Variants in FAT3 observed in about 807,000 individuals in gnomAD.
FAT3 encodes protocadherin Fat 3.
Under a neutral mutation model 310.2 loss-of-function variants are expected in FAT3, and 95 were observed. The ratio of observed to expected loss-of-function variants is 0.31; its 90% CI spans 0.26 to 0.36. The LOEUF (loss-of-function observed/expected upper bound fraction) is 0.36, where lower values mean the gene tolerates loss of function less well. Among genes scored for constraint, FAT3 ranks in the 10% least tolerant of loss-of-function variants. The pLI is 1.00. For synonymous variants in FAT3, 2,314 were observed against 2,192.9 expected (o/e 1.06, Z -1.54); for missense variants, 5,408 against 5,715.6 (o/e 0.95, Z 1.74).
chr11:92,800,184 C>T lies in FAT3; in HGVS notation c.7171C>T (p.Pro2391Ser). 1 of 1,613,948 alleles carries T rather than the reference C, an allele frequency of 6.2e-7. No individual in the cohort carries two copies. Among genetic ancestry groups the T allele is most frequent in the Non-Finnish European group, 8.5e-7 (1 of 1,179,872 alleles). ...CTACATCTCTGATGTAAATGACAAC[C>T]CTCCAGTTTTTAATCAGCTCATTTA... is the stretch of plus-strand genomic sequence containing the variant. ...HIYISDVNDNPPVFNQLIYES... is the reference protein window; with the variant it reads ...HIYISDVNDNSPVFNQLIYES... The change falls in exon 10 of 28, where the codon CCT becomes TCT. Residue 2391 changes from proline to serine, a missense_variant. Coordinates refer to ENST00000525166, the MANE Select transcript of FAT3 (RefSeq NM_001367949.2).
intron 1 of FAT3, among the ~76,000 whole-genome samples, chr11:92,260,073 T>C (rs924435436): frequency 6.6e-6 from 1 of 152,274 alleles, no homozygotes; most frequent in Admixed American, 6.5e-5. Context: ...AGCTGTCATG[T>C]AGAATTCTAA....
chr11:92,778,755 C>T (rs554801441), intron 7 of FAT3, among the ~76,000 whole-genome samples: 1 of 152,222 alleles, frequency 6.6e-6, no homozygotes, highest in East Asian at 1.9e-4. Context: ...GCCCCCGACA[C>T]TCCCTGGGAA....
At chr11:92,750,121 C>G (rs1308466824) in intron 4 of FAT3, among the ~76,000 whole-genome samples, 2 of 152,172 alleles carry the variant, frequency 1.3e-5, no homozygotes, top group African/African-American at 4.8e-5. Context: ...GTTGGATATT[C>G]TGCCTTAGTT....
chr11:92,453,960 C>T (rs1315515905), intron 2 of FAT3, among the ~76,000 whole-genome samples: 3 of 152,008 alleles, frequency 2.0e-5, no homozygotes, highest in Non-Finnish European at 4.4e-5. Flanking sequence ...TTTAGATATA[C>T]ATATTTTCAG....
chr11:92,473,189 T>C (rs1032022748), intron 2 of FAT3, among the ~76,000 whole-genome samples: 1 of 152,158 alleles, frequency 6.6e-6, no homozygotes, highest in African/African-American at 2.4e-5. Context: ...CTTATAAGTT[T>C]CTTAGAGTCA....
intron 19 of FAT3, among the ~76,000 whole-genome samples, chr11:92,850,700 C>T (rs541005643): frequency 3.5e-4 from 54 of 152,144 alleles, no homozygotes; most frequent in African/African-American, 1.2e-3. Context: ...CAACATAAAT[C>T]AAGAGGTTGA....
Position 92,352,665 on chromosome 11 carries a change from G to A in FAT3, c.553G>A (p.Ala185Thr), listed in dbSNP as rs1363753482. ...TSVAQVTATDADIGSNGEFYY... is the reference protein window; with the variant it reads ...TSVAQVTATDTDIGSNGEFYY... ...TGTTGCCCAGGTGACTGCAACAGAC[G>A]CAGATATTGGTTCCAATGGAGAATT... Residue 185 changes from alanine (A) to threonine (T), a missense_variant, in exon 2 of 28, where the codon GCA (alanine) becomes ACA (threonine). Transcript: ENST00000525166. The A allele has an allele frequency of 2.5e-6, 4 of 1,613,824 alleles. No individual in the cohort carries two copies. Among genetic ancestry groups the A allele is most frequent in the Non-Finnish European group, 3.4e-6 (4 of 1,179,852 alleles).
chr11:92,440,987 A>G (rs537090653), intron 2 of FAT3, among the ~76,000 whole-genome samples: 3 of 152,296 alleles, frequency 2.0e-5, no homozygotes, highest in African/African-American at 7.2e-5. Flanking sequence ...CTAAGATGCA[A>G]TTCCTGTGAG....
chr11:92,255,241 C>T (rs1365776285), intron 1 of FAT3, among the ~76,000 whole-genome samples: 2 of 151,660 alleles, frequency 1.3e-5, no homozygotes, highest in East Asian at 3.9e-4. Flanking sequence ...GGGTTTGTAG[C>T]AGTGATCCTA....
intron 2 of FAT3, among the ~76,000 whole-genome samples, chr11:92,431,432 T>C (rs1228028429): frequency 2.0e-5 from 3 of 152,220 alleles, no homozygotes; most frequent in Admixed American, 6.5e-5. Flanking sequence ...GATCAGTAGA[T>C]TGCAAAAATT....
chr11:92,353,049 T>G lies in FAT3; in HGVS notation c.937T>G (p.Phe313Val). The change falls in exon 2 of 28, where the codon TTC becomes GTC. Residue 313 changes from phenylalanine to valine, a missense_variant. Coordinates refer to ENST00000525166, the MANE Select transcript of FAT3 (RefSeq NM_001367949.2). ...IVAGDPLDQF[F>V]LAKEGKWLNE... ...GGCTGGGGATCCTTTAGATCAGTTC[T>G]TCCTGGCTAAGGAAGGAAAGTGGTT... is the stretch of plus-strand genomic sequence containing the variant. 1 of 1,613,742 alleles carries G rather than the reference T, an allele frequency of 6.2e-7. No individual in the cohort carries two copies. The highest frequency in any genetic ancestry group is 1.1e-5 in the South Asian group (1 of 91,074).
At chr11:92,337,283 A>G (rs573403454) in intron 1 of FAT3, among the ~76,000 whole-genome samples, 20 of 152,308 alleles carry the variant, frequency 1.3e-4, no homozygotes, top group African/African-American at 4.3e-4. Flanking sequence ...TTTCTGGTTC[A>G]GGACATTTAG....
At chr11:92,306,315 G>A (rs1947113185) in intron 1 of FAT3, among the ~76,000 whole-genome samples, 1 of 150,608 alleles carries the variant, frequency 6.6e-6, no homozygotes, top group Non-Finnish European at 1.5e-5. Context: ...CAAATCTACT[G>A]TGGAATACTG....
intron 3 of FAT3, among the ~76,000 whole-genome samples, chr11:92,546,255 G>T (rs1234191352): frequency 6.6e-6 from 1 of 152,162 alleles, no homozygotes; most frequent in Non-Finnish European, 1.5e-5. Context: ...CTGTCAGTGT[G>T]TTTAAGGGAA....
chr11:92,478,309 A>AT (rs1952101916), intron 2 of FAT3, among the ~76,000 whole-genome samples: 1 of 152,152 alleles, frequency 6.6e-6, no homozygotes, highest in African/African-American at 2.4e-5. Context: ...CAGACTTAAC[A>AT]TATTAGAGTC....
chr11:92,407,808 C>T (rs1384747211), intron 2 of FAT3, among the ~76,000 whole-genome samples: 1 of 152,044 alleles, frequency 6.6e-6, no homozygotes, highest in Non-Finnish European at 1.5e-5. Flanking sequence ...ACATTAATTC[C>T]TGTTAAATTA....
chr11:92,239,597 T>C (rs963591624), intron 1 of FAT3, among the ~76,000 whole-genome samples: 5 of 152,118 alleles, frequency 3.3e-5, no homozygotes, highest in African/African-American at 4.8e-5. Flanking sequence ...CAGAATTGCT[T>C]TGAGTCCATG....
chr11:92,494,128 CA>C (rs1451270096), intron 2 of FAT3, among the ~76,000 whole-genome samples: 2 of 150,804 alleles, frequency 1.3e-5, no homozygotes, highest in African/African-American at 4.9e-5. Flanking sequence ...AGAGTGAGTG[CA>C]GGGGAAAACT....
chr11:92,291,147 T>C (rs1946682902), intron 1 of FAT3, among the ~76,000 whole-genome samples: 1 of 149,356 alleles, frequency 6.7e-6, no homozygotes, highest in Non-Finnish European at 1.5e-5. Flanking sequence ...GTGGGTATTT[T>C]CTCCATTTTT....
Sources: gnomAD v4.1 joint callset for allele counts (sites outside exome capture counted in the v4.1 genomes callset) on GRCh38, gnomAD v4.1.1 for gene constraint, MANE v1.5 for transcripts, NCBI Gene and HGNC (gene_info 2026-07-23, HGNC 2026-07-21) for gene names.